FGFR2: variants seen among roughly 807,000 people sequenced by gnomAD.
The protein encoded by FGFR2 is BEK fibroblast growth factor receptor.
In FGFR2, 19 loss-of-function variants were observed where a neutral mutation model predicts 95.9. The ratio of observed to expected loss-of-function variants is 0.20; its 90% CI spans 0.14 to 0.29. The LOEUF (loss-of-function observed/expected upper bound fraction) is 0.29, where lower values mean the gene tolerates loss of function less well. FGFR2 is among the 10% of genes least tolerant of loss of function. The probability of loss-of-function intolerance (pLI) is 1.00; values close to 1 mark genes in which losing one functional copy is unlikely to be tolerated. For synonymous variants in FGFR2, 392 were observed against 393.3 expected, an observed-to-expected ratio of 1.00 and a Z score of 0.04; for missense variants, 707 against 1,056.9, an observed-to-expected ratio of 0.67 and a Z score of 4.59.
intron 17 of FGFR2, among the ~76,000 whole-genome samples, chr10:121,482,458 T>C (rs528552733): frequency 1.3e-5 from 2 of 152,324 alleles, no homozygotes; most frequent in East Asian, 3.9e-4. Context: ...TCTAAAACTA[T>C]TTCCTAAATC....
In FGFR2 at chr10:121,479,306, A is replaced by C. The variant is rs1054893186; in HGVS notation, c.*551T>G. 1 of 257,192 alleles carries C rather than the reference A, an allele frequency of 3.9e-6. No homozygotes were observed. The highest frequency in any genetic ancestry group is 5.7e-5 in the East Asian group (1 of 17,538). The allele number at this position is 257,192 out of a possible 1,614,324, so 15.9% of individuals were successfully genotyped here. ...GTATTTTTCCACCTCTGCTCGGTGA[A>C]AATTAAGAAATTATGTGTAAGAACA... On this transcript the variant is annotated 3_prime_UTR_variant, in exon 18 of 18. Transcript: ENST00000358487.
intron 5 of FGFR2, among the ~76,000 whole-genome samples, chr10:121,544,114 G>A (rs1854158438): frequency 1.3e-5 from 2 of 152,102 alleles, no homozygotes; most frequent in Non-Finnish European, 2.9e-5. Flanking sequence ...TAGCCAAAAG[G>A]TAGAAGCAAC....
intron 4 of FGFR2, among the ~76,000 whole-genome samples, chr10:121,553,000 C>T (rs1855609970): frequency 6.6e-6 from 1 of 151,448 alleles, no homozygotes; most frequent in Non-Finnish European, 1.5e-5. Context: ...GATAAGGATC[C>T]CCTTCACTTA....
At chr10:121,539,429 A>G (rs1394017150) in intron 5 of FGFR2, among the ~76,000 whole-genome samples, 1 of 152,254 alleles carries the variant, frequency 6.6e-6, no homozygotes, top group Non-Finnish European at 1.5e-5. Flanking sequence ...GATAAGCAGC[A>G]CATGTGAAAA....
Position 121,485,639 on chromosome 10 carries a change from C to A in FGFR2, c.2058-107G>T. On this transcript the variant is annotated intron_variant, in intron 15 of 17. Coordinates refer to ENST00000358487, the MANE Select transcript of FGFR2 (RefSeq NM_000141.5). This position sits in a 1 kb window ranked among gnomAD's most constrained non-coding sequence, Gnocchi z 4.2. ...CCTCCTCACTTCTGAAGTTCAAAGA[C>A]AAATGGGCCCTCCTGCAGTTCCTCC... The A allele has an allele frequency of 6.9e-7, 1 of 1,456,588 alleles. No individual in the cohort carries two copies. Among genetic ancestry groups the A allele is most frequent in the South Asian group, 1.2e-5 (1 of 85,270 alleles). The allele number at this position is 1,456,588 out of a possible 1,614,324, so 90.2% of individuals were successfully genotyped here. A position where few individuals can be genotyped will look rare whatever the true frequency, so the allele number is the denominator to read the frequency against.
At chr10:121,584,153 T>C (rs934814583) in intron 2 of FGFR2, among the ~76,000 whole-genome samples, 3 of 151,934 alleles carry the variant, frequency 2.0e-5, no homozygotes, top group African/African-American at 7.3e-5. Context: ...CAAATGCTTG[T>C]TCAGCTCCTG....
At chr10:121,515,036 C>A in intron 9 of FGFR2, 81 bp downstream of exon 9, 1 of 1,337,004 alleles carries the variant, frequency 7.5e-7, no homozygotes, top group South Asian at 1.2e-5. Flanking sequence ...AAGTCGATGG[C>A]ATCAAAGCAG....
In FGFR2 at chr10:121,483,204, G is replaced by A. The variant is rs570724488; in HGVS notation, c.2301+494C>T. 1.0e-3 allele frequency among the ~76,000 whole-genome samples: 152 copies of A among 152,310 alleles called. No homozygotes were observed. The highest frequency in any genetic ancestry group is 1.7e-3 in the Non-Finnish European group (114 of 68,034). On this transcript the variant is annotated intron_variant, in intron 17 of 17. Transcript: ENST00000358487. ...ATATACACCTAGAAAGAGGCTGCAAGGCATATAGCATTACCAACAGGATCA... is the reference window on the plus strand; with the variant it reads ...ATATACACCTAGAAAGAGGCTGCAAAGCATATAGCATTACCAACAGGATCA...
Position 121,593,813 on chromosome 10 carries a change from A to C in FGFR2, c.5T>G (p.Val2Gly). M[V>G]SWGRFICLVV... ...CAGGCAGATGAAACGACCCCAGCTG[A>C]CCATGGTTACGGTACCAATCCCCGG... Residue 2 changes from valine (V) to glycine (G), a missense_variant, in exon 2 of 18, where the codon GTC becomes GGC. Val to Gly is a moderately radical substitution (Grantham distance 109). Around this residue, in one of 7 missense-constraint regions of FGFR2, gnomAD observed 178 missense variants for 194.1 expected, o/e 0.92. Coordinates refer to ENST00000358487, the MANE Select transcript of FGFR2 (RefSeq NM_000141.5). 1.2e-6 allele frequency: 2 copies of C among 1,614,082 alleles called. No individual in the cohort carries two copies. The highest frequency in any genetic ancestry group is 1.7e-6 in the Non-Finnish European group (2 of 1,179,960).
At chr10:121,495,522 C>A (rs745536732) in intron 13 of FGFR2, among the ~76,000 whole-genome samples, 93 of 152,198 alleles carry the variant, frequency 6.1e-4, no homozygotes, top group Non-Finnish European at 1.1e-3. Context: ...AAAGAAAAAA[C>A]CATCCAGAAC....
At chr10:121,497,523 C>T (rs886889051) in intron 12 of FGFR2, among the ~76,000 whole-genome samples, 3 of 152,168 alleles carry the variant, frequency 2.0e-5, no homozygotes, top group East Asian at 1.9e-4. Flanking sequence ...TATACTGTAT[C>T]GTATAAACAC....
intron 4 of FGFR2, among the ~76,000 whole-genome samples, chr10:121,557,750 T>TA (rs1274490693): frequency 2.0e-5 from 3 of 152,180 alleles, no homozygotes; most frequent in African/African-American, 4.8e-5. Flanking sequence ...AGCCTGCTGT[T>TA]ACCAACTTAG....
intron 16 of FGFR2, among the ~76,000 whole-genome samples, chr10:121,484,828 T>A (rs916934450): frequency 6.6e-6 from 1 of 152,184 alleles, no homozygotes; most frequent in African/African-American, 2.4e-5. Context: ...GAGACCTAGG[T>A]AACCAAACAC....
chr10:121,566,413 G>A (rs890696070), intron 2 of FGFR2, among the ~76,000 whole-genome samples: 3 of 152,178 alleles, frequency 2.0e-5, no homozygotes, highest in Non-Finnish European at 4.4e-5. Flanking sequence ...GGCAGTCTCC[G>A]TTGCACTTAC....
intron 4 of FGFR2, among the ~76,000 whole-genome samples, chr10:121,558,144 A>T (rs148215462): frequency 1.1e-4 from 17 of 152,324 alleles, no homozygotes; most frequent in Admixed American, 1.1e-3. Context: ...AGCTGGAAAC[A>T]ATAAAAATCC....
chr10:121,589,774 T>C (rs184982166), intron 2 of FGFR2, among the ~76,000 whole-genome samples: 1 of 152,326 alleles, frequency 6.6e-6, no homozygotes, highest in African/African-American at 2.4e-5. Context: ...CTGTATTTGG[T>C]TTAATTGACC....
intron 5 of FGFR2, among the ~76,000 whole-genome samples, chr10:121,541,980 C>CTTACA (rs1427797358): frequency 6.6e-6 from 1 of 152,108 alleles, no homozygotes; most frequent in Non-Finnish European, 1.5e-5. Context: ...TCAAGCACTG[C>CTTACA]TTGTAAGAGC....
At chr10:121,588,215 GAAC>G (rs1402021894) in intron 2 of FGFR2, among the ~76,000 whole-genome samples, 1 of 143,926 alleles carries the variant, frequency 6.9e-6, no homozygotes, top group Non-Finnish European at 1.5e-5. Flanking sequence ...ACAAAGAAAA[GAAC>G]AACAGACACT....
intron 4 of FGFR2, among the ~76,000 whole-genome samples, chr10:121,558,084 T>C (rs1170574748): frequency 6.6e-6 from 1 of 152,212 alleles, no homozygotes; most frequent in African/African-American, 2.4e-5. Flanking sequence ...CATCATGATC[T>C]TCTCAAAAAC....
Sources: gnomAD v4.1 joint callset for allele counts (sites outside exome capture counted in the v4.1 genomes callset) on GRCh38, gnomAD v4.1.1 for gene constraint, gnomAD v4.1.1 regional missense constraint, Gnocchi (gnomAD v3.1) non-coding constraint, MANE v1.5 for transcripts, NCBI Gene and HGNC (gene_info 2026-07-23, HGNC 2026-07-21) for gene names.